Variants in S100PBP observed in about 807,000 individuals in gnomAD.
S100PBP encodes the protein S100P-binding protein.
S100PBP carries 15 observed loss-of-function variants against 39.9 expected under a neutral mutation model. That is an observed-to-expected ratio of 0.38 (90% CI 0.25 to 0.58). S100PBP has a LOEUF of 0.58. Ranked by LOEUF, S100PBP falls within the 20% of genes least tolerant of loss-of-function variation. The probability of loss-of-function intolerance (pLI) is 0.70; values close to 1 mark genes in which losing one functional copy is unlikely to be tolerated. For synonymous variants in S100PBP, 178 were observed against 180.3 expected, an observed-to-expected ratio of 0.99 and a Z score of 0.10; for missense variants, 504 against 487.3, an observed-to-expected ratio of 1.03 and a Z score of -0.32.
At chr1:32,829,605 G>A (rs769991662) in intron 4 of S100PBP, among the ~76,000 whole-genome samples, 3 of 152,096 alleles carry the variant, frequency 2.0e-5, no homozygotes, top group Non-Finnish European at 4.4e-5. Flanking sequence ...TAGGACTACA[G>A]GCACATGCAG....
chr1:32,853,903 C>G (rs1640724427), intron 6 of S100PBP, among the ~76,000 whole-genome samples: 1 of 152,064 alleles, frequency 6.6e-6, no homozygotes, highest in Non-Finnish European at 1.5e-5. Flanking sequence ...AAAAAACAAA[C>G]AGACAAAACA....
chr1:32,846,070 A>G (rs1428450994), intron 5 of S100PBP, among the ~76,000 whole-genome samples: 3 of 147,686 alleles, frequency 2.0e-5, no homozygotes, highest in Non-Finnish European at 4.5e-5. Context: ...GCTTACTGCA[A>G]CCCCCACCTC....
At chr1:32,844,772 T>C (rs1247450321) in intron 5 of S100PBP, among the ~76,000 whole-genome samples, 1 of 151,952 alleles carries the variant, frequency 6.6e-6, no homozygotes, top group Non-Finnish European at 1.5e-5. Flanking sequence ...TATCTATAGA[T>C]AGAGATATAT....
rs368202302 is a variant in S100PBP at position 32,837,808 on chromosome 1, G to A, written c.1024+7741G>A. Among the ~76,000 whole-genome samples, 4 of 151,956 alleles carry A rather than the reference G, an allele frequency of 2.6e-5. No individual in the cohort carries two copies. In the South Asian group the frequency reaches 8.3e-4, roughly 32 times the overall value. On this transcript the variant is annotated intron_variant, in intron 5 of 6. Transcript: ENST00000373475. ...GATAATTATTTTGAAATTCATCCAT[G>A]TTGCATGTTTATTTCTTTTTATTGC... is the stretch of plus-strand genomic sequence containing the variant.
intron 5 of S100PBP, chr1:32,847,351 G>T (rs947460822): frequency 3.3e-5 from 5 of 152,134 alleles, no homozygotes; most frequent in Admixed American, 3.3e-4. Flanking sequence ...CTTATAAGAA[G>T]TTTCAAGACT....
chr1:32,828,033 A>C lies in S100PBP; in HGVS notation c.872A>C (p.His291Pro), dbSNP rs757442817. 1 of 1,612,374 alleles carries C rather than the reference A, an allele frequency of 6.2e-7. No homozygotes were observed. Among genetic ancestry groups the C allele is most frequent in the African/African-American group, 1.3e-5 (1 of 74,994 alleles). Reference sequence around the variant, plus strand: ...AAGGATTCTGGGAAGATGAAAGGCCATGAGAGAAGACTAGGCAAAGTCATT... The same window carrying C: ...AAGGATTCTGGGAAGATGAAAGGCCCTGAGAGAAGACTAGGCAAAGTCATT... ...LNKDSGKMKGHERRLGKVIPV... is the reference protein window; with the variant it reads ...LNKDSGKMKGPERRLGKVIPV... Residue 291 changes from histidine (H) to proline (P), a missense_variant, in exon 4 of 7, where the codon CAT (histidine) becomes CCT (proline). By Grantham distance (77) the His-to-Pro change is moderately conservative. Transcript: ENST00000373475.
intron 2 of S100PBP, 43 bp from the exon 3 acceptor site, chr1:32,826,055 G>A: frequency 7.0e-7 from 1 of 1,435,248 alleles, no homozygotes; most frequent in South Asian, 1.3e-5. Context: ...TTGGTATAAG[G>A]TTATTTTCTC....
At chr1:32,831,287 C>G (rs1639586983) in intron 5 of S100PBP, among the ~76,000 whole-genome samples, 1 of 151,690 alleles carries the variant, frequency 6.6e-6, no homozygotes, top group South Asian at 2.1e-4. Context: ...AATAGAATTA[C>G]ATATAAAGTA....
At chr1:32,821,305 T>C (rs892323912) in intron 1 of S100PBP, among the ~76,000 whole-genome samples, 1 of 152,118 alleles carries the variant, frequency 6.6e-6, no homozygotes, top group Non-Finnish European at 1.5e-5. Flanking sequence ...CCATACATAA[T>C]ACGTGGTATT....
At position 32,824,838 on chromosome 1, in the gene S100PBP, A is replaced by G. The variant is rs1013478466; in HGVS notation, c.-119-475A>G. 7.0e-4 allele frequency: 101 copies of G among 143,588 alleles called. 1 individual carries two copies. The highest frequency in any genetic ancestry group is 2.5e-3 in the African/African-American group (96 of 38,606). The allele number at this position is 143,588 out of a possible 1,614,324, so 8.9% of individuals were successfully genotyped here. On this transcript the variant is annotated intron_variant, in intron 1 of 6. Coordinates refer to ENST00000373475, the MANE Select transcript of S100PBP (RefSeq NM_022753.4). ...GCATTTTTTCTATACATATATATAT[A>G]TATATATAAAGATTTGTGTGTGTGT... is the stretch of plus-strand genomic sequence containing the variant.
In S100PBP at chr1:32,828,062, G is replaced by C. The variant is rs774041376; in HGVS notation, c.901G>C (p.Val301Leu). Reference protein sequence around the residue: ...HERRLGKVIPVLQTKTRTNVP... With the variant: ...HERRLGKVIPLLQTKTRTNVP... ...GAGAAGACTAGGCAAAGTCATTCCT[G>C]TTCTACAAACTAAGACCAGGTAATG... Residue 301 changes from valine to leucine, a missense_variant, in exon 4 of 7, where the codon GTT becomes CTT. By Grantham distance (32) the Val-to-Leu change is conservative. Coordinates refer to ENST00000373475, the MANE Select transcript of S100PBP (RefSeq NM_022753.4). 1.9e-5 allele frequency: 30 copies of C among 1,603,812 alleles called. No individual in the cohort carries two copies. The highest frequency in any genetic ancestry group is 2.6e-5 in the Non-Finnish European group (30 of 1,171,330).
At chr1:32,845,683 CTT>C (rs201215253) in intron 5 of S100PBP, among the ~76,000 whole-genome samples, 27 of 140,676 alleles carry the variant, frequency 1.9e-4, no homozygotes, top group Non-Finnish European at 2.3e-4. Context: ...TTTTCATTTT[CTT>C]TTTTTTTTTT....
intron 4 of S100PBP, among the ~76,000 whole-genome samples, chr1:32,829,133 G>A (rs1195990471): frequency 6.6e-6 from 1 of 152,188 alleles, no homozygotes; most frequent in Non-Finnish European, 1.5e-5. Flanking sequence ...CAATGTAAGT[G>A]ATAATCAAAA....
Position 32,826,476 on chromosome 1 carries a change from G to T in S100PBP, c.377G>T (p.Gly126Val). Residue 126 changes from glycine to valine, a missense_variant, in exon 3 of 7, where the codon GGA (glycine) becomes GTA (valine). Gly to Val is a moderately radical substitution (Grantham distance 109). Transcript: ENST00000373475. ...LPQLSTSSGHGPAHTKPLNRR... is the reference protein window; with the variant it reads ...LPQLSTSSGHVPAHTKPLNRR... The stretch of plus-strand genomic sequence containing the variant: ...CAGCTAAGTACATCAAGTGGTCATG[G>T]ACCAGCTCATACTAAACCATTAAAC... The T allele has an allele frequency of 6.2e-7, 1 of 1,614,004 alleles. No homozygotes were observed. Among genetic ancestry groups the T allele is most frequent in the South Asian group, 1.1e-5 (1 of 91,048 alleles).
intron 5 of S100PBP, among the ~76,000 whole-genome samples, chr1:32,833,464 C>T (rs746161968): frequency 2.6e-5 from 4 of 151,278 alleles, no homozygotes; most frequent in Admixed American, 6.6e-5. Context: ...CGGGTTCAAG[C>T]GATTCTCTTG....
At chr1:32,842,219 ATG>A (rs1216005950) in intron 5 of S100PBP, among the ~76,000 whole-genome samples, 29 of 67,390 alleles carry the variant, frequency 4.3e-4, no homozygotes, top group African/African-American at 1.3e-3. Context: ...ATATATATAT[ATG>A]TATATATATA....
chr1:32,857,930 A>G lies in S100PBP; in HGVS notation c.*1892A>G, dbSNP rs1316839000. On this transcript the variant is annotated 3_prime_UTR_variant, in exon 7 of 7. Coordinates refer to ENST00000373475, the MANE Select transcript of S100PBP (RefSeq NM_022753.4). ...ATTTGTTTTAAATTCTGGGGCCAAA[A>G]TGCAAAGGAGAAGTTCTATTCAAAG... 6.6e-6 allele frequency: 1 copy of G among 152,212 alleles called. No individual in the cohort carries two copies. The highest frequency in any genetic ancestry group is 1.5e-5 in the Non-Finnish European group (1 of 68,032). The allele number at this position is 152,212 out of a possible 1,614,324, so 9.4% of individuals were successfully genotyped here. A position where few individuals can be genotyped will look rare whatever the true frequency, so the allele number is the denominator to read the frequency against.
At chr1:32,824,456 A>G (rs1639230791) in intron 1 of S100PBP, among the ~76,000 whole-genome samples, 1 of 152,232 alleles carries the variant, frequency 6.6e-6, no homozygotes, top group Admixed American at 6.5e-5. Flanking sequence ...TTTTAATTAT[A>G]CAACTAACTA....
At chr1:32,827,416 A>G (rs1639377881) in intron 3 of S100PBP, among the ~76,000 whole-genome samples, 1 of 152,146 alleles carries the variant, frequency 6.6e-6, no homozygotes, top group South Asian at 2.1e-4. Context: ...ATCTTGGGCA[A>G]TTTATCTAAC....
Sources: gnomAD v4.1 joint callset for allele counts (sites outside exome capture counted in the v4.1 genomes callset) on GRCh38, gnomAD v4.1.1 for gene constraint, MANE v1.5 for transcripts, NCBI Gene and HGNC (gene_info 2026-07-23, HGNC 2026-07-21) for gene names.